PLCB1: variants seen among roughly 807,000 people sequenced by gnomAD.
PLCB1 encodes the protein phospholipase C beta 1, also known as 1-phosphatidylinositol 4,5-bisphosphate phosphodiesterase beta-1.
In PLCB1, 46 loss-of-function variants were observed where a neutral mutation model predicts 161.8. The observed-to-expected ratio is 0.28, with a 90% CI of 0.22 to 0.36. The LOEUF is 0.36. Ranked by LOEUF, PLCB1 falls within the 10% of genes least tolerant of loss-of-function variation. PLCB1 has a pLI of 1.00. For synonymous variants in PLCB1, 517 were observed against 503.7 expected, an observed-to-expected ratio of 1.03 and a Z score of -0.35; for missense variants, 1,016 against 1,472.5, an observed-to-expected ratio of 0.69 and a Z score of 5.07.
At chr20:8,697,530 CT>C in intron 10 of PLCB1, 95 bp from the exon 11 acceptor site, 1 of 1,261,594 alleles carries the variant, frequency 7.9e-7, no homozygotes, top group Non-Finnish European at 1.1e-6. Context: ...CTCTTAGACT[CT>C]TTGTTTTCCT....
intron 3 of PLCB1, among the ~76,000 whole-genome samples, chr20:8,412,586 A>G (rs1979092152): frequency 6.6e-6 from 1 of 152,190 alleles, no homozygotes; most frequent in African/African-American, 2.4e-5. Flanking sequence ...TTATGGTCTA[A>G]TAGAGGACAC....
intron 9 of PLCB1, among the ~76,000 whole-genome samples, chr20:8,671,881 C>G (rs1365953297): frequency 1.3e-5 from 2 of 152,226 alleles, no homozygotes; most frequent in Admixed American, 1.3e-4. Flanking sequence ...CCCGTGCCCT[C>G]AGACAAGTTG....
chr20:8,417,398 C>T (rs1230431182), intron 3 of PLCB1, among the ~76,000 whole-genome samples: 7 of 151,170 alleles, frequency 4.6e-5, no homozygotes, highest in Non-Finnish European at 4.4e-5. Flanking sequence ...ATGTATATAA[C>T]AAATCAAATT....
chr20:8,783,993 G>A (rs183637931), intron 27 of PLCB1, among the ~76,000 whole-genome samples: 219 of 152,316 alleles, frequency 1.4e-3, no homozygotes, highest in Admixed American at 7.0e-3. Flanking sequence ...GAAAGCAGAG[G>A]AAGTTCTTCC....
chr20:8,670,304 C>G (rs1300177274), intron 9 of PLCB1, among the ~76,000 whole-genome samples: 1 of 152,198 alleles, frequency 6.6e-6, no homozygotes, highest in African/African-American at 2.4e-5. Context: ...AATAAACTCA[C>G]AGATGTGAGA....
chr20:8,211,167 G>A (rs768469827), intron 2 of PLCB1, among the ~76,000 whole-genome samples: 2 of 152,046 alleles, frequency 1.3e-5, no homozygotes, highest in African/African-American at 2.4e-5. Context: ...GTGCCCCAGA[G>A]GATTCTACTT....
intron 1 of PLCB1, among the ~76,000 whole-genome samples, chr20:8,138,207 C>A (rs1386971464): frequency 2.0e-5 from 3 of 152,188 alleles, no homozygotes; most frequent in African/African-American, 7.2e-5. Flanking sequence ...GGATAATTTG[C>A]AGTGGCTATT....
At chr20:8,457,654 A>G (rs1981376154) in intron 3 of PLCB1, among the ~76,000 whole-genome samples, 1 of 151,796 alleles carries the variant, frequency 6.6e-6, no homozygotes, top group Non-Finnish European at 1.5e-5. Context: ...AATGAACTGC[A>G]TGATATTCCT....
chr20:8,437,195 C>G (rs555024659), intron 3 of PLCB1, among the ~76,000 whole-genome samples: 1 of 152,114 alleles, frequency 6.6e-6, no homozygotes, highest in Non-Finnish European at 1.5e-5. Flanking sequence ...GCTGGAGTTA[C>G]ATTTTCAAAG....
chr20:8,231,909 C>T (rs1189654708), intron 2 of PLCB1, among the ~76,000 whole-genome samples: 1 of 152,122 alleles, frequency 6.6e-6, no homozygotes, highest in Non-Finnish European at 1.5e-5. Context: ...TTTATATATA[C>T]TGTATATATG....
At position 8,871,995 on chromosome 20, in the gene PLCB1, G is replaced by A. The variant is rs77431034; in HGVS notation, c.3424-9627G>A. Among the ~76,000 whole-genome samples the A allele has an allele frequency of 6.3e-3, 956 of 152,200 alleles. 2 individuals carry two copies. Among genetic ancestry groups the A allele is most frequent in the Non-Finnish European group, 0.01 (696 of 67,986 alleles). On this transcript the variant is annotated intron_variant, in intron 31 of 31. Transcript: ENST00000338037. The stretch of plus-strand genomic sequence containing the variant: ...CAAGAGATTAAATAAGCTGAGCAAG[G>A]TCATATTTCATAAAATGCAAGCATT...
At chr20:8,742,637 A>G (rs1034401935) in intron 23 of PLCB1, among the ~76,000 whole-genome samples, 4 of 152,174 alleles carry the variant, frequency 2.6e-5, no homozygotes, top group African/African-American at 9.6e-5. Context: ...AAATGGGATA[A>G]TATTCACAGT....
intron 3 of PLCB1, among the ~76,000 whole-genome samples, chr20:8,390,358 C>T (rs993446514): frequency 6.6e-6 from 1 of 152,078 alleles, no homozygotes; most frequent in Non-Finnish European, 1.5e-5. Context: ...TGCATTAGGG[C>T]CCACCCTCAT....
chr20:8,849,454 T>A (rs1288634966), intron 31 of PLCB1, among the ~76,000 whole-genome samples: 1 of 151,840 alleles, frequency 6.6e-6, no homozygotes, highest in Non-Finnish European at 1.5e-5. Context: ...GGCAGGCAGA[T>A]CACCTGAGGT....
At chr20:8,380,003 A>G (rs1441595879) in intron 3 of PLCB1, among the ~76,000 whole-genome samples, 2 of 152,146 alleles carry the variant, frequency 1.3e-5, no homozygotes, top group African/African-American at 4.8e-5. Flanking sequence ...TTTTGTTGCA[A>G]TTGCTTTTGG....
At position 8,229,961 on chromosome 20, in the gene PLCB1, T is replaced by C. The variant is rs780663865; in HGVS notation, c.177+79590T>C. Among the ~76,000 whole-genome samples, 42 of 140,450 alleles carry C rather than the reference T, an allele frequency of 3.0e-4. 1 individual carries two copies. Among genetic ancestry groups the C allele is most frequent in the Admixed American group, 7.1e-4 (9 of 12,714 alleles). The allele number at this position is 140,450 out of a possible 152,430, so 92.1% of individuals were successfully genotyped here. A position where few individuals can be genotyped will look rare whatever the true frequency, so the allele number is the denominator to read the frequency against. Reference sequence around the variant, plus strand: ...GTCCCAGCTACCTGGGAGGCTGAGGTGGGAGTATCACTTGAGCCCAGGAAT... The same window carrying C: ...GTCCCAGCTACCTGGGAGGCTGAGGCGGGAGTATCACTTGAGCCCAGGAAT... On this transcript the variant is annotated intron_variant, in intron 2 of 31. Transcript: ENST00000338037.
At chr20:8,848,533 C>T (rs999628870) in intron 31 of PLCB1, among the ~76,000 whole-genome samples, 2 of 152,176 alleles carry the variant, frequency 1.3e-5, no homozygotes, top group African/African-American at 2.4e-5. Context: ...AAAACCCAAG[C>T]GTCTTAGGAG....
At chr20:8,529,638 AAT>A (rs11469175) in intron 3 of PLCB1, among the ~76,000 whole-genome samples, 88,654 of 151,564 alleles carry the variant, frequency 0.58, 26,927 homozygotes, top group African/African-American at 0.75. Context: ...CTCAGTAGTT[AAT>A]ATACAAGCAT....
Position 8,487,432 on chromosome 20 carries a change from A to G in PLCB1, c.246+115982A>G, listed in dbSNP as rs577953404. On this transcript the variant is annotated intron_variant, in intron 3 of 31. Coordinates refer to ENST00000338037, the MANE Select transcript of PLCB1 (RefSeq NM_015192.4). ...TTCTCAGGGACATAGAAAGACACCAAATTCTCTTATACTGGGATTCATCCA... is the reference window on the plus strand; with the variant it reads ...TTCTCAGGGACATAGAAAGACACCAGATTCTCTTATACTGGGATTCATCCA... 2.6e-5 allele frequency among the ~76,000 whole-genome samples: 4 copies of G among 152,282 alleles called. No individual in the cohort carries two copies. In the South Asian group the frequency reaches 8.3e-4, roughly 32 times the overall value.
Sources: allele counts gnomAD v4.1 joint callset (sites outside exome capture counted in the v4.1 genomes callset), GRCh38; gene constraint gnomAD v4.1.1; transcripts MANE v1.5; gene names NCBI Gene and HGNC (gene_info 2026-07-23, HGNC 2026-07-21).